Variants in MAN1B1 observed in about 807,000 individuals in gnomAD.
MAN1B1 encodes the protein mannosidase alpha class 1B member 1, also known as endoplasmic reticulum mannosyl-oligosaccharide 1,2-alpha-mannosidase.
Under a neutral mutation model 75.5 loss-of-function variants are expected in MAN1B1, and 66 were observed. That is an observed-to-expected ratio of 0.87 (90% CI 0.72 to 1.07). MAN1B1 has a LOEUF of 1.07. Ranked by LOEUF, MAN1B1 falls within the 50% of genes least tolerant of loss-of-function variation. The probability of loss-of-function intolerance (pLI) is 0.00; values close to 1 mark genes in which losing one functional copy is unlikely to be tolerated. For synonymous variants in MAN1B1, 453 were observed against 382.8 expected, an observed-to-expected ratio of 1.18 and a Z score of -2.14; for missense variants, 973 against 912.5, an observed-to-expected ratio of 1.07 and a Z score of -0.85.
intron 3 of MAN1B1, among the ~76,000 whole-genome samples, chr9:137,091,527 T>TA (rs1294192716): frequency 1.0e-4 from 15 of 144,148 alleles, no homozygotes; most frequent in African/African-American, 3.3e-4. Context: ...TTATATTTTT[T>TA]TTTTTTTTTT....
rs774579438 is a variant in MAN1B1 at position 137,107,291 on chromosome 9, C to T, written c.1608C>T (p.Gly536=). 8 of 1,613,090 alleles carry T rather than the reference C, an allele frequency of 5.0e-6. No homozygotes were observed. Among genetic ancestry groups the T allele is most frequent in the South Asian group, 2.2e-5 (2 of 91,082 alleles). The change falls in exon 11 of 13, where the codon GGC becomes GGT. Residue 536 remains glycine (G), a synonymous_variant. Coordinates refer to ENST00000371589, the MANE Select transcript of MAN1B1 (RefSeq NM_016219.5). The stretch of plus-strand genomic sequence containing the variant: ...TCCTGCCAGGGACGCTGGCTCTGGG[C>T]GTCTACCACGGCCTGCCCGCCAGCC... ...VCFLPGTLAL[G]VYHGLPASHM...
At chr9:137,091,665 T>A (rs1264656193) in intron 3 of MAN1B1, among the ~76,000 whole-genome samples, 1 of 151,834 alleles carries the variant, frequency 6.6e-6, no homozygotes, top group Non-Finnish European at 1.5e-5. Flanking sequence ...TAGCTAGGAC[T>A]ACAGGTGCCC....
At position 137,101,033 on chromosome 9, in the gene MAN1B1, G is replaced by A. The variant is rs772956887; in HGVS notation, c.945G>A (p.Ser315=). 1.7e-5 allele frequency: 28 copies of A among 1,614,090 alleles called. No homozygotes were observed. The highest frequency in any genetic ancestry group is 3.3e-5 in the South Asian group (3 of 91,090). Residue 315 remains serine (S), a synonymous_variant, in exon 7 of 13, where the codon TCG becomes TCA. Transcript: ENST00000371589. The stretch of plus-strand genomic sequence containing the variant: ...TTGAGGAAGCCAGGAAGTGGGTGTC[G>A]AAGAAGTTACACTTTGAAAAGGACG... ...KEFEEARKWV[S]KKLHFEKDVD...
At position 137,088,941 on chromosome 9, in the gene MAN1B1, C is replaced by T; in HGVS notation, c.401C>T (p.Pro134Leu). ...GCTGGGTTAAAACCAGCAAATCCAC[C>T]CGTCTTACCAGCTCCTCAGAAGGCG... is the stretch of plus-strand genomic sequence containing the variant. The part of the protein sequence containing the change: ...EIAGLKPANP[P>L]VLPAPQKADT... Residue 134 changes from proline (P) to leucine (L), a missense_variant, in exon 3 of 13, where the codon CCC becomes CTC. Transcript: ENST00000371589. 6.2e-7 allele frequency: 1 copy of T among 1,613,986 alleles called. No individual in the cohort carries two copies. The highest frequency in any genetic ancestry group is 1.7e-5 in the Admixed American group (1 of 60,028).
intron 4 of MAN1B1, among the ~76,000 whole-genome samples, chr9:137,097,566 G>A (rs962095291): frequency 2.0e-5 from 3 of 152,110 alleles, no homozygotes; most frequent in African/African-American, 7.2e-5. Flanking sequence ...CTCTGCAGAG[G>A]GATTTCTCAC....
intron 4 of MAN1B1, 124 bp downstream of exon 4, chr9:137,096,515 A>AGTT: frequency 1.5e-6 from 2 of 1,290,780 alleles, no homozygotes; most frequent in Non-Finnish European, 2.2e-6. Context: ...ATGCTCTGTA[A>AGTT]TCTGTCCTCA....
At chr9:137,103,649 C>T in intron 8 of MAN1B1, 1 of 338,914 alleles carries the variant, frequency 3.0e-6, no homozygotes, top group Non-Finnish European at 5.7e-6. Flanking sequence ...GTGTTACACA[C>T]ATTCACACTT....
At chr9:137,087,633 G>A in intron 1 of MAN1B1, 1 of 421,888 alleles carries the variant, frequency 2.4e-6, no homozygotes, top group South Asian at 2.0e-5. Flanking sequence ...AGGCCGAAGG[G>A]CATTGATAAC....
chr9:137,103,946 TGCA>T (rs1831000570), intron 8 of MAN1B1: 1 of 443,744 alleles, frequency 2.3e-6, no homozygotes, highest in Non-Finnish European at 4.5e-6. Flanking sequence ...GTTGCAGGCG[TGCA>T]GGTCGGTGGT....
intron 3 of MAN1B1, among the ~76,000 whole-genome samples, chr9:137,094,035 G>A (rs940275515): frequency 7.0e-6 from 1 of 142,728 alleles, no homozygotes; most frequent in Non-Finnish European, 1.5e-5. Context: ...TTTTTTTTGA[G>A]ACAGAGTCTC....
At chr9:137,102,920 A>G in intron 8 of MAN1B1, 1 of 407,708 alleles carries the variant, frequency 2.5e-6, no homozygotes, top group South Asian at 1.7e-5. Context: ...ACACACATTC[A>G]CGCTGTTGCA....
chr9:137,099,063 C>G (rs1830735019), intron 5 of MAN1B1, among the ~76,000 whole-genome samples: 2 of 152,160 alleles, frequency 1.3e-5, no homozygotes, highest in Admixed American at 1.3e-4. Context: ...CTTCTGACCT[C>G]AGGTGATCTG....
intron 3 of MAN1B1, among the ~76,000 whole-genome samples, chr9:137,090,890 T>G (rs1388178165): frequency 6.6e-6 from 1 of 152,086 alleles, no homozygotes; most frequent in African/African-American, 2.4e-5. Context: ...ATAAGCTCAA[T>G]AGAGAGGGGA....
At chr9:137,104,114 C>A in intron 8 of MAN1B1, 1 of 455,476 alleles carries the variant, frequency 2.2e-6, no homozygotes, top group Non-Finnish European at 4.4e-6. Flanking sequence ...TGAAGCTCTC[C>A]CATCACACAG....
chr9:137,106,818 G>A lies in MAN1B1; in HGVS notation c.1566+9G>A, dbSNP rs1831127392. The A allele has an allele frequency of 6.2e-7, 1 of 1,612,936 alleles. No homozygotes were observed. The highest frequency in any genetic ancestry group is 8.5e-7 in the Non-Finnish European group (1 of 1,179,872). Reference sequence around the variant, plus strand: ...GCTTCAGTGCCAAGATGGTGAGTGTGTCTGCGGGGCCTTCCGGCCGCCGCC... The same window carrying A: ...GCTTCAGTGCCAAGATGGTGAGTGTATCTGCGGGGCCTTCCGGCCGCCGCC... On this transcript the variant is annotated intron_variant, in intron 10 of 12. Transcript: ENST00000371589.
Position 137,108,564 on chromosome 9 carries a change from C to A in MAN1B1, c.2073C>A (p.His691Gln). Residue 691 changes from histidine (H) to glutamine (Q), a missense_variant, in exon 13 of 13, where the codon CAC becomes CAA. By Grantham distance (24) the His-to-Gln change is conservative (BLOSUM62 0). Coordinates refer to ENST00000371589, the MANE Select transcript of MAN1B1 (RefSeq NM_016219.5). ...CCTACGTGTTCAACACCGAAGCCCA[C>A]CCTCTGCCTATCTGGACCCCTGCCT... ...LDAYVFNTEAHPLPIWTPA is the reference protein window; with the variant it reads ...LDAYVFNTEAQPLPIWTPA 1 of 1,613,888 alleles carries A rather than the reference C, an allele frequency of 6.2e-7. No individual in the cohort carries two copies. Among genetic ancestry groups the A allele is most frequent in the Non-Finnish European group, 8.5e-7 (1 of 1,180,004 alleles).
chr9:137,101,025 T>C lies in MAN1B1; in HGVS notation c.937T>C (p.Trp313Arg), dbSNP rs1249641110. ...CATAGAATTTGAGGAAGCCAGGAAG[T>C]GGGTGTCGAAGAAGTTACACTTTGA... Reference protein sequence around the residue: ...LRKEFEEARKWVSKKLHFEKD... With the variant: ...LRKEFEEARKRVSKKLHFEKD... Residue 313 changes from tryptophan to arginine, a missense_variant, in exon 7 of 13, where the codon TGG becomes CGG. Coordinates refer to ENST00000371589, the MANE Select transcript of MAN1B1 (RefSeq NM_016219.5). 6.2e-7 allele frequency: 1 copy of C among 1,614,164 alleles called. No individual in the cohort carries two copies.
At chr9:137,107,779 G>A (rs1324659749) in intron 12 of MAN1B1, 117 bp downstream of exon 12, 1 of 1,509,182 alleles carries the variant, frequency 6.6e-7, no homozygotes, top group African/African-American at 1.4e-5. Context: ...TCCGGGAGGG[G>A]CGGGCTTGCC....
In MAN1B1 at chr9:137,108,929, G is replaced by T. The variant is rs769396289; in HGVS notation, c.*338G>T. 3.4e-5 allele frequency: 17 copies of T among 498,442 alleles called. No individual in the cohort carries two copies. The highest frequency in any genetic ancestry group is 1.2e-5 in the Non-Finnish European group (3 of 255,200). 30.9% of individuals were successfully genotyped at this position (498,442 alleles called of 1,614,324 possible). Reference sequence around the variant, plus strand: ...TGGTCCCTGGTACTGGGGTGACCGAGTGGACAGCCCAGGGTGCAGCTCTGC... The same window carrying T: ...TGGTCCCTGGTACTGGGGTGACCGATTGGACAGCCCAGGGTGCAGCTCTGC... On this transcript the variant is annotated 3_prime_UTR_variant, in exon 13 of 13. Transcript: ENST00000371589.
Sources: gnomAD v4.1 joint callset for allele counts (sites outside exome capture counted in the v4.1 genomes callset) on GRCh38, gnomAD v4.1.1 for gene constraint, MANE v1.5 for transcripts, NCBI Gene and HGNC (gene_info 2026-07-23, HGNC 2026-07-21) for gene names.